The following ADAMTS9 variants were observed in gnomAD, a reference collection of about 807,000 sequenced individuals.
ADAMTS9 encodes ADAM metallopeptidase with thrombospondin type 1 motif 9.
A neutral mutation model predicts 257.1 loss-of-function variants in ADAMTS9; 107 were observed. The ratio of observed to expected loss-of-function variants is 0.42; its 90% CI spans 0.36 to 0.49. ADAMTS9 has a LOEUF of 0.49. Among genes scored for constraint, ADAMTS9 ranks in the 20% least tolerant of loss-of-function variants. The probability of loss-of-function intolerance (pLI) is 0.03; values close to 1 mark genes in which losing one functional copy is unlikely to be tolerated. For synonymous variants in ADAMTS9, 982 were observed against 880.9 expected (o/e 1.11, Z -2.03); for missense variants, 2,353 against 2,469.1 (o/e 0.95, Z 1.00).
intron 28 of ADAMTS9, among the ~76,000 whole-genome samples, chr3:64,580,889 T>A (rs2083981501): frequency 6.6e-6 from 1 of 152,128 alleles, no homozygotes; most frequent in African/African-American, 2.4e-5. Context: ...CAAACCAAAA[T>A]TCATGTTTCT....
rs370979852 is a variant in ADAMTS9, at chr3:64,547,924, A to AT, written c.4870-973dup. Among the ~76,000 whole-genome samples the AT allele has an allele frequency of 1.8e-3, 278 of 152,048 alleles. 1 individual carries two copies. The highest frequency in any genetic ancestry group is 6.3e-3 in the African/African-American group (262 of 41,466). On this transcript the variant is annotated intron_variant, in intron 31 of 39. Coordinates refer to ENST00000498707, the MANE Select transcript of ADAMTS9 (RefSeq NM_182920.2). ...TTACAATTAATTTAGTTTTGATGAT[A>AT]TTTTTAGGCAACAGCATCAAATAAC...
In ADAMTS9 at chr3:64,596,901, T is replaced by G. The variant is rs770410500; in HGVS notation, c.4108A>C (p.Ile1370Leu). Residue 1370 changes from isoleucine (I) to leucine (L), a missense_variant, in exon 27 of 40, where the codon ATA (isoleucine) becomes CTA (leucine). Transcript: ENST00000498707. Reference sequence around the variant, plus strand: ...CAGGCTCTTTGCTCATCAGGTTTTATTCTCTCCACACAGTCGTTTGCGGTG... The same window carrying G: ...CAGGCTCTTTGCTCATCAGGTTTTAGTCTCTCCACACAGTCGTTTGCGGTG... ...GYTANDCVER[I>L]KPDEQRACES... The G allele has an allele frequency of 4.4e-5, 71 of 1,613,958 alleles. No homozygotes were observed. The South Asian group carries it at 6.4e-4, about 14-fold the overall frequency.
chr3:64,649,688 A>T lies in ADAMTS9; in HGVS notation c.1554T>A (p.Asn518Lys), dbSNP rs752590195. ...VQLPGILYNV[N>K]KQCELIFGPG... ...GTCCAAAAATCAATTCACATTGTTT[A>T]TTCACGTTGTAAAGGATGCCTGGCA... is the stretch of plus-strand genomic sequence containing the variant. Residue 518 changes from asparagine (N) to lysine (K), a missense_variant, in exon 10 of 40, where the codon AAT becomes AAA. Transcript: ENST00000498707. The T allele has an allele frequency of 6.2e-7, 1 of 1,613,952 alleles. No individual in the cohort carries two copies. The highest frequency in any genetic ancestry group is 1.1e-5 in the South Asian group (1 of 91,068).
At chr3:64,658,887 T>A in intron 3 of ADAMTS9, 96 bp from the exon 4 acceptor site, 1 of 1,321,384 alleles carries the variant, frequency 7.6e-7, no homozygotes, top group Non-Finnish European at 1.0e-6. Context: ...CCCTCTGTGG[T>A]CAAACTACAT....
chr3:64,614,310 C>A (rs116125020), intron 21 of ADAMTS9, among the ~76,000 whole-genome samples: 285 of 152,204 alleles, frequency 1.9e-3, no homozygotes, highest in African/African-American at 6.5e-3. Flanking sequence ...TAAGCAAAGG[C>A]AATTTGTTAA....
intron 25 of ADAMTS9, among the ~76,000 whole-genome samples, chr3:64,603,286 T>A (rs9809074): frequency 0.015 from 2,251 of 152,282 alleles, 65 homozygotes; most frequent in African/African-American, 0.05. Flanking sequence ...CTCTCTATAT[T>A]ATGATATTTA....
intron 29 of ADAMTS9, among the ~76,000 whole-genome samples, chr3:64,563,990 T>C (rs1247275034): frequency 1.3e-5 from 2 of 152,326 alleles, no homozygotes; most frequent in Admixed American, 1.3e-4. Flanking sequence ...ACCCCATGAA[T>C]AAAACAGCAG....
rs867848856 is a variant in ADAMTS9, at chr3:64,608,982, A to G, written c.3355-1903T>C. On this transcript the variant is annotated intron_variant, in intron 22 of 39. Transcript: ENST00000498707. ...AGGCTGGCCCAACATAAGAAAATCA[A>G]TCAATGCAATACATTACGTTAATAG... Among the ~76,000 whole-genome samples, 3 of 152,220 alleles carry G rather than the reference A, an allele frequency of 2.0e-5. No homozygotes were observed. The South Asian group carries it at 6.2e-4, about 32-fold the overall frequency.
intron 36 of ADAMTS9, among the ~76,000 whole-genome samples, chr3:64,539,838 C>T (rs368915493): frequency 1.3e-5 from 2 of 152,196 alleles, no homozygotes; most frequent in African/African-American, 2.4e-5. Context: ...TTCTCAAGTT[C>T]GGGGCTAGCC....
chr3:64,556,860 T>C (rs2083344623), intron 30 of ADAMTS9, among the ~76,000 whole-genome samples: 2 of 152,126 alleles, frequency 1.3e-5, no homozygotes, highest in South Asian at 4.1e-4. Flanking sequence ...ATCCATTATT[T>C]TGTTTCCTTC....
chr3:64,559,206 G>A (rs1013093194), intron 30 of ADAMTS9, among the ~76,000 whole-genome samples: 11 of 152,106 alleles, frequency 7.2e-5, no homozygotes, highest in South Asian at 2.1e-4. Flanking sequence ...AGTTACTGTC[G>A]TCCTTCACGC....
chr3:64,579,042 C>T (rs901140352), intron 28 of ADAMTS9, among the ~76,000 whole-genome samples: 22 of 152,216 alleles, frequency 1.4e-4, no homozygotes, highest in Non-Finnish European at 3.1e-4. Context: ...CCCACGTTTT[C>T]ACTGCCAGTC....
At chr3:64,662,900 C>A (rs1230660583) in intron 3 of ADAMTS9, among the ~76,000 whole-genome samples, 2 of 152,086 alleles carry the variant, frequency 1.3e-5, no homozygotes, top group Non-Finnish European at 2.9e-5. Flanking sequence ...TTAACACAAA[C>A]TTTATTTCAT....
chr3:64,642,401 C>A (rs1393022353), intron 11 of ADAMTS9, among the ~76,000 whole-genome samples: 1 of 151,900 alleles, frequency 6.6e-6, no homozygotes, highest in Non-Finnish European at 1.5e-5. Flanking sequence ...GTCTGGTAAA[C>A]TATAATGCTT....
At position 64,568,578 on chromosome 3, in the gene ADAMTS9, T is replaced by C. The variant is rs7635677; in HGVS notation, c.4357-43A>G. The C allele has an allele frequency of 0.52, 826,547 of 1,602,024 alleles. 224,243 individuals are homozygous for C. Among genetic ancestry groups the C allele is most frequent in the African/African-American group, 0.89 (66,078 of 74,112 alleles). On this transcript the variant is annotated intron_variant, in intron 28 of 39. Coordinates refer to ENST00000498707, the MANE Select transcript of ADAMTS9 (RefSeq NM_182920.2). ...GGCAAGGTTGTTGTTGTTTTTTAAT[T>C]ACACGGAGTTTGAGAAAAAACCTGC...
intron 26 of ADAMTS9, among the ~76,000 whole-genome samples, chr3:64,601,172 T>G (rs771329854): frequency 5.3e-5 from 8 of 152,182 alleles, no homozygotes; most frequent in Non-Finnish European, 1.0e-4. Context: ...ATGATAATAA[T>G]AAAGACAACT....
intron 30 of ADAMTS9, among the ~76,000 whole-genome samples, chr3:64,555,310 T>A (rs1223427870): frequency 6.6e-6 from 1 of 152,154 alleles, no homozygotes. Context: ...TATATATTTG[T>A]TAGGAGGTGC....
chr3:64,517,360 C>T (rs1378766530), intron 39 of ADAMTS9, among the ~76,000 whole-genome samples: 1 of 147,604 alleles, frequency 6.8e-6, no homozygotes, highest in Non-Finnish European at 1.5e-5. Context: ...CCATCTCAGC[C>T]TCCCAAGTAG....
rs2083411017 is a variant in ADAMTS9 at position 64,560,961 on chromosome 3, C to G, written c.4698+617G>C. On this transcript the variant is annotated intron_variant, in intron 30 of 39. Coordinates refer to ENST00000498707, the MANE Select transcript of ADAMTS9 (RefSeq NM_182920.2). ...CCCTGGCCAAACTTTTCCCCATGGA[C>G]ACAATGTTTTCCTTAACCAAACATT... 2.0e-5 allele frequency among the ~76,000 whole-genome samples: 3 copies of G among 152,188 alleles called. No individual in the cohort carries two copies. The South Asian group carries it at 6.2e-4, about 32-fold the overall frequency.
Sources: allele counts gnomAD v4.1 joint callset (sites outside exome capture counted in the v4.1 genomes callset), GRCh38; gene constraint gnomAD v4.1.1; transcripts MANE v1.5; gene names NCBI Gene and HGNC (gene_info 2026-07-23, HGNC 2026-07-21).